The following MACROD1 variants were observed in gnomAD, a reference collection of about 807,000 sequenced individuals.
MACROD1 encodes the protein ADP-ribose glycohydrolase MACROD1.
MACROD1 carries 31 observed loss-of-function variants against 41.4 expected under a neutral mutation model. That is an observed-to-expected ratio of 0.75 (90% CI 0.56 to 1.01). The LOEUF (loss-of-function observed/expected upper bound fraction) is 1.01. Ranked by LOEUF, MACROD1 falls within the 50% of genes least tolerant of loss-of-function variation. The pLI, the probability that MACROD1 is intolerant of heterozygous loss-of-function variation, is 0.00. For missense variants in MACROD1, 473 were observed against 460.0 expected (o/e 1.03, Z -0.26); for synonymous variants, 252 against 203.4 (o/e 1.24, Z -2.03).
chr11:64,139,969 A>AG (rs1305845100), intron 3 of MACROD1, among the ~76,000 whole-genome samples: 1 of 147,876 alleles, frequency 6.8e-6, no homozygotes, highest in East Asian at 2.0e-4. Flanking sequence ...AAAAGAAAAA[A>AG]AAAAGAGGCA....
intron 3 of MACROD1, among the ~76,000 whole-genome samples, chr11:64,147,756 TA>T (rs1204505041): frequency 1.3e-5 from 2 of 149,538 alleles, no homozygotes; most frequent in African/African-American, 2.5e-5. Context: ...TATATATATA[TA>T]TTTTAGATAG....
chr11:64,099,311 T>G (rs1337667918), intron 3 of MACROD1, among the ~76,000 whole-genome samples: 2 of 152,244 alleles, frequency 1.3e-5, no homozygotes, highest in Non-Finnish European at 2.9e-5. Flanking sequence ...TGAAAACCAA[T>G]GCCCTCCCCA....
intron 3 of MACROD1, among the ~76,000 whole-genome samples, chr11:64,125,922 A>G (rs1945171999): frequency 6.6e-6 from 1 of 152,180 alleles, no homozygotes; most frequent in Admixed American, 6.5e-5. Flanking sequence ...TGTAGACGGG[A>G]AAAAACAAAC....
At chr11:64,154,994 C>A (rs1945645439) in intron 1 of MACROD1, among the ~76,000 whole-genome samples, 1 of 152,256 alleles carries the variant, frequency 6.6e-6, no homozygotes. Flanking sequence ...GCTGGAATTA[C>A]AGGCGTGAGC....
Position 64,055,070 on chromosome 11 carries a change from C to A in MACROD1, c.518-39789G>T, listed in dbSNP as rs12221631. On this transcript the variant is annotated intron_variant, in intron 3 of 10. Transcript: ENST00000255681. ...TTCCTCCAGGAAGCCTTCCTAGATC[C>A]CCCCAGCCTGGTCCAGAAGGTGACC... Among the ~76,000 whole-genome samples the A allele has an allele frequency of 4.1e-4, 62 of 152,242 alleles. No homozygotes were observed. The East Asian group carries it at 0.011, about 27-fold the overall frequency.
At chr11:64,016,758 G>T (rs1483106347) in intron 3 of MACROD1, among the ~76,000 whole-genome samples, 3 of 152,350 alleles carry the variant, frequency 2.0e-5, no homozygotes, top group Non-Finnish European at 4.4e-5. Flanking sequence ...CCCAAAGCAG[G>T]GGTGGGGGCC....
chr11:64,092,416 G>A (rs757590941), intron 3 of MACROD1, among the ~76,000 whole-genome samples: 1 of 152,214 alleles, frequency 6.6e-6, no homozygotes, highest in Non-Finnish European at 1.5e-5. Context: ...CTCTGACCCT[G>A]CCTATGGAGG....
At chr11:64,057,363 G>A (rs1032458808) in intron 3 of MACROD1, among the ~76,000 whole-genome samples, 3 of 152,222 alleles carry the variant, frequency 2.0e-5, no homozygotes, top group Non-Finnish European at 2.9e-5. Context: ...TCGGTGAACA[G>A]TTTCACCTAC....
At position 64,089,772 on chromosome 11, in the gene MACROD1, G is replaced by A. The variant is rs540905187; in HGVS notation, c.517+61467C>T. On this transcript the variant is annotated intron_variant, in intron 3 of 10. Coordinates refer to ENST00000255681, the MANE Select transcript of MACROD1 (RefSeq NM_014067.4). ...GGAAGCTGCCAGTCCCGTGGGGGCA[G>A]GGCTGAGAGGAGGGTAAGGGCTCCT... 4.3e-4 allele frequency among the ~76,000 whole-genome samples: 65 copies of A among 152,288 alleles called. 1 individual carries two copies. The highest frequency in any genetic ancestry group is 1.3e-3 in the African/African-American group (55 of 41,558).
chr11:64,020,752 A>G (rs545470288), intron 3 of MACROD1, among the ~76,000 whole-genome samples: 2 of 151,554 alleles, frequency 1.3e-5, no homozygotes, highest in South Asian at 4.2e-4. Flanking sequence ...ATGAAGTCTC[A>G]CTGTCGCTCA....
chr11:64,000,837 A>T (rs1251115452), intron 4 of MACROD1, among the ~76,000 whole-genome samples: 1 of 151,878 alleles, frequency 6.6e-6, no homozygotes, highest in Non-Finnish European at 1.5e-5. Context: ...GCGCCCCATC[A>T]CGGGGCGGCG....
intron 3 of MACROD1, among the ~76,000 whole-genome samples, chr11:64,035,083 C>A (rs967569303): frequency 6.6e-5 from 10 of 152,186 alleles, no homozygotes; most frequent in African/African-American, 2.4e-4. Flanking sequence ...CTTCATCTCT[C>A]ACAGTAACCT....
intron 1 of MACROD1, among the ~76,000 whole-genome samples, chr11:64,155,863 T>C (rs1945659408): frequency 1.3e-5 from 2 of 151,170 alleles, no homozygotes; most frequent in South Asian, 4.2e-4. Context: ...AATCCCAGCA[T>C]TTTGGGAGGC....
intron 3 of MACROD1, among the ~76,000 whole-genome samples, chr11:64,106,779 G>C (rs1431372698): frequency 6.6e-6 from 1 of 152,232 alleles, no homozygotes; most frequent in African/African-American, 2.4e-5. Context: ...ACTGTCCCCA[G>C]CCCTGCTGGT....
chr11:64,035,697 G>C (rs1348929416), intron 3 of MACROD1, among the ~76,000 whole-genome samples: 1 of 5,048 alleles, frequency 2.0e-4, no homozygotes, highest in Non-Finnish European at 4.3e-4. Flanking sequence ...CGGCCAGTGC[G>C]CAGCGCGGCG....
chr11:64,111,665 T>A (rs534906735), intron 3 of MACROD1, among the ~76,000 whole-genome samples: 2 of 151,988 alleles, frequency 1.3e-5, no homozygotes, highest in African/African-American at 4.8e-5. Context: ...GGGGGGTGGG[T>A]GAGGTCTGGC....
At chr11:64,158,741 T>A (rs1945707162) in intron 1 of MACROD1, among the ~76,000 whole-genome samples, 2 of 152,090 alleles carry the variant, frequency 1.3e-5, no homozygotes, top group Admixed American at 1.3e-4. Flanking sequence ...GCCAGGCCCC[T>A]CCTGTGATGA....
chr11:64,144,239 C>T (rs1945459208), intron 3 of MACROD1, among the ~76,000 whole-genome samples: 1 of 152,180 alleles, frequency 6.6e-6, no homozygotes, highest in Non-Finnish European at 1.5e-5. Flanking sequence ...CCCAAGCACC[C>T]TCTCCTCCAG....
intron 3 of MACROD1, among the ~76,000 whole-genome samples, chr11:64,115,394 T>G (rs551367618): frequency 4.7e-4 from 71 of 152,136 alleles, no homozygotes; most frequent in African/African-American, 1.6e-3. Context: ...TTTTTTTTTT[T>G]GAATAGCTGA....
Sources: allele counts gnomAD v4.1 joint callset (sites outside exome capture counted in the v4.1 genomes callset), GRCh38; gene constraint gnomAD v4.1.1; transcripts MANE v1.5; gene names NCBI Gene and HGNC (gene_info 2026-07-23, HGNC 2026-07-21).